The following CSMD2 variants were observed in gnomAD, a reference collection of about 807,000 sequenced individuals.
CSMD2 encodes the protein CUB and Sushi multiple domains 2, also known as CUB and sushi domain-containing protein 2.
CSMD2 carries 130 observed loss-of-function variants against 398.5 expected under a neutral mutation model. That is an observed-to-expected ratio of 0.33 (90% confidence interval 0.28 to 0.38). CSMD2 has a LOEUF of 0.38. CSMD2 is among the 10% of genes least tolerant of loss of function. CSMD2 has a pLI of 1.00. For synonymous variants in CSMD2, 1,828 were observed against 1,908.5 expected (o/e 0.96, Z 1.10); for missense variants, 3,829 against 4,764.9 (o/e 0.80, Z 5.78).
intron 5 of CSMD2, among the ~76,000 whole-genome samples, chr1:33,904,543 T>A (rs1570455087): frequency 2.0e-5 from 3 of 152,308 alleles, no homozygotes; most frequent in Non-Finnish European, 4.4e-5. Flanking sequence ...GGAGTTCCAT[T>A]TGGGAAGGCA....
intron 10 of CSMD2, among the ~76,000 whole-genome samples, chr1:33,796,579 A>G (rs1654974942): frequency 6.6e-6 from 1 of 152,176 alleles, no homozygotes; most frequent in South Asian, 2.1e-4. Flanking sequence ...GAGAGTATAC[A>G]TCACCTCAGG....
chr1:33,926,331 C>T (rs1182412956), intron 4 of CSMD2, among the ~76,000 whole-genome samples: 1 of 152,192 alleles, frequency 6.6e-6, no homozygotes, highest in Non-Finnish European at 1.5e-5. Context: ...GTAGTCTCCT[C>T]CACATCCCTG....
chr1:33,776,494 G>A (rs575135397), intron 12 of CSMD2, among the ~76,000 whole-genome samples: 1 of 152,290 alleles, frequency 6.6e-6, no homozygotes, highest in Admixed American at 6.5e-5. Context: ...TGAAGAGAAT[G>A]TCTGAAGCTG....
intron 3 of CSMD2, among the ~76,000 whole-genome samples, chr1:33,967,257 CT>C (rs563818329): frequency 3.0e-5 from 4 of 135,042 alleles, no homozygotes; most frequent in Admixed American, 7.7e-5. Flanking sequence ...ACTTCACAGA[CT>C]TTTTTTTTTA....
chr1:33,626,499 G>A lies in CSMD2; in HGVS notation c.5283C>T (p.His1761=), dbSNP rs746227537. 29 of 1,606,910 alleles carry A rather than the reference G, an allele frequency of 1.8e-5. No individual in the cohort carries two copies. The South Asian group carries it at 2.7e-4, about 15-fold the overall frequency. ...AKGLAPARGF[H]FVYQAVPRTS... ...TGTCCTCCATACCTTGGTAGACAAAGTGGAAGCCTCTGGCTGGTGCGAGGC... is the reference window on the plus strand; with the variant it reads ...TGTCCTCCATACCTTGGTAGACAAAATGGAAGCCTCTGGCTGGTGCGAGGC... Residue 1761 remains histidine, a synonymous_variant, in exon 33 of 71, where the codon CAC becomes CAT. Coordinates refer to ENST00000373381, the MANE Select transcript of CSMD2 (RefSeq NM_001281956.2).
intron 1 of CSMD2, among the ~76,000 whole-genome samples, chr1:34,100,095 T>C (rs963815966): frequency 1.1e-4 from 16 of 152,320 alleles, no homozygotes; most frequent in African/African-American, 3.8e-4. Context: ...TCTGAGATTT[T>C]TTTCCATGCA....
intron 15 of CSMD2, among the ~76,000 whole-genome samples, chr1:33,734,811 A>G (rs552009879): frequency 9.8e-4 from 149 of 152,198 alleles, no homozygotes; most frequent in Non-Finnish European, 1.6e-3. Flanking sequence ...AAAGAAAAAG[A>G]AAAAAGAAAA....
chr1:34,161,400 C>T (rs1557454603), intron 1 of CSMD2, among the ~76,000 whole-genome samples: 1 of 151,904 alleles, frequency 6.6e-6, no homozygotes, highest in Non-Finnish European at 1.5e-5. Flanking sequence ...ATGAGCTCAC[C>T]CAGAGAGTGG....
rs1571306152 is a variant in CSMD2 at position 34,160,484 on chromosome 1, G to A, written c.187+4427C>T. Among the ~76,000 whole-genome samples, 4 of 152,096 alleles carry A rather than the reference G, an allele frequency of 2.6e-5. No individual in the cohort carries two copies. The East Asian group carries it at 7.7e-4, about 29-fold the overall frequency. On this transcript the variant is annotated intron_variant, in intron 1 of 70. Transcript: ENST00000373381. ...ACTTAGTTGTGGGGAAAGGAACAGG[G>A]GACCAGATGTCTTTGTCATCTTATT...
At chr1:33,984,431 A>T (rs1433599214) in intron 3 of CSMD2, among the ~76,000 whole-genome samples, 2 of 152,122 alleles carry the variant, frequency 1.3e-5, no homozygotes, top group Non-Finnish European at 2.9e-5. Context: ...CTCAGATCAC[A>T]CTCAAAGCAG....
intron 6 of CSMD2, among the ~76,000 whole-genome samples, chr1:33,836,877 C>G (rs543662916): frequency 6.6e-6 from 1 of 152,312 alleles, no homozygotes; most frequent in South Asian, 2.1e-4. Context: ...GTCCTGCACC[C>G]ACTCTCCGAC....
chr1:33,565,039 C>A (rs1004904786), intron 53 of CSMD2, among the ~76,000 whole-genome samples: 2 of 152,120 alleles, frequency 1.3e-5, no homozygotes, highest in African/African-American at 4.8e-5. Flanking sequence ...GAGAGTGCTA[C>A]AAACTTTAAA....
intron 3 of CSMD2, among the ~76,000 whole-genome samples, chr1:33,984,245 T>C (rs1272225971): frequency 1.3e-5 from 2 of 152,152 alleles, no homozygotes; most frequent in African/African-American, 2.4e-5. Context: ...CCAGGGAATC[T>C]GCATTTTGAC....
At chr1:33,970,038 G>A (rs941297210) in intron 3 of CSMD2, among the ~76,000 whole-genome samples, 5 of 151,614 alleles carry the variant, frequency 3.3e-5, no homozygotes, top group Admixed American at 6.6e-5. Context: ...CCTGGGAGGC[G>A]GAGGTTGCAG....
intron 3 of CSMD2, among the ~76,000 whole-genome samples, chr1:34,018,517 G>A (rs548996005): frequency 4.6e-5 from 7 of 152,294 alleles, no homozygotes; most frequent in African/African-American, 1.4e-4. Flanking sequence ...AGCCATGTGC[G>A]AGTGTGTCTG....
At chr1:33,829,104 AGG>A (rs1659162941) in intron 6 of CSMD2, among the ~76,000 whole-genome samples, 1 of 152,232 alleles carries the variant, frequency 6.6e-6, no homozygotes, top group African/African-American at 2.4e-5. Flanking sequence ...TAGAATCCAC[AGG>A]TAGAGTCTTT....
chr1:33,944,476 G>A (rs1210625373), intron 3 of CSMD2, among the ~76,000 whole-genome samples: 1 of 152,140 alleles, frequency 6.6e-6, no homozygotes, highest in African/African-American at 2.4e-5. Flanking sequence ...GGAAGGGCTT[G>A]TGTATTTATA....
At chr1:33,959,950 C>T (rs984677481) in intron 3 of CSMD2, among the ~76,000 whole-genome samples, 2 of 152,162 alleles carry the variant, frequency 1.3e-5, no homozygotes, top group Middle Eastern at 3.2e-3. Flanking sequence ...ATCCTAGCAG[C>T]GTGGGCATAG....
chr1:33,522,035 G>A (rs1654352604), intron 67 of CSMD2, among the ~76,000 whole-genome samples: 1 of 152,164 alleles, frequency 6.6e-6, no homozygotes, highest in South Asian at 2.1e-4. Flanking sequence ...TGGAGAGTTC[G>A]TCACAGTTCT....
Sources: gnomAD v4.1 joint callset for allele counts (sites outside exome capture counted in the v4.1 genomes callset) on GRCh38, gnomAD v4.1.1 for gene constraint, MANE v1.5 for transcripts, NCBI Gene and HGNC (gene_info 2026-07-23, HGNC 2026-07-21) for gene names.